Variants in DZIP3 observed in about 807,000 individuals in gnomAD.
DZIP3 encodes E3 ubiquitin-protein ligase DZIP3.
In DZIP3, 118 loss-of-function variants were observed where a neutral mutation model predicts 162.0. The observed-to-expected ratio is 0.73, with a 90% CI of 0.63 to 0.85. The LOEUF (loss-of-function observed/expected upper bound fraction) is 0.85. DZIP3 is among the 40% of genes least tolerant of loss of function. The probability of loss-of-function intolerance (pLI) is 0.00; values close to 1 mark genes in which losing one functional copy is unlikely to be tolerated. For synonymous variants in DZIP3, 438 were observed against 458.6 expected (o/e 0.96, Z 0.57); for missense variants, 1,331 against 1,407.0 (o/e 0.95, Z 0.86).
At chr3:108,685,716 A>G (rs981667370) in intron 27 of DZIP3, among the ~76,000 whole-genome samples, 3 of 152,146 alleles carry the variant, frequency 2.0e-5, no homozygotes, top group African/African-American at 7.2e-5. Flanking sequence ...TGGTTGTTTG[A>G]AAAATGTAAC....
chr3:108,622,068 A>G (rs1249696269), intron 5 of DZIP3, among the ~76,000 whole-genome samples: 2 of 152,092 alleles, frequency 1.3e-5, no homozygotes, highest in Non-Finnish European at 2.9e-5. Context: ...AGATCCTGTC[A>G]CTTGAAACAA....
intron 19 of DZIP3, among the ~76,000 whole-genome samples, chr3:108,657,818 A>C (rs1341315512): frequency 6.6e-6 from 1 of 152,174 alleles, no homozygotes; most frequent in Non-Finnish European, 1.5e-5. Flanking sequence ...ATGGAAAACA[A>C]AAAAAGGCAG....
At chr3:108,675,951 A>G in intron 25 of DZIP3, 78 bp downstream of exon 25, 3 of 1,216,380 alleles carry the variant, frequency 2.5e-6, no homozygotes, top group South Asian at 2.8e-5. Flanking sequence ...ATTAGTAGAA[A>G]AATTTAAGGA....
At chr3:108,658,274 A>C (rs1042141893) in intron 19 of DZIP3, among the ~76,000 whole-genome samples, 2 of 152,192 alleles carry the variant, frequency 1.3e-5, no homozygotes, top group Non-Finnish European at 1.5e-5. Flanking sequence ...AAAGAACAGA[A>C]ATTATAACAA....
At chr3:108,682,582 T>G (rs1301303089) in intron 26 of DZIP3, among the ~76,000 whole-genome samples, 1 of 150,456 alleles carries the variant, frequency 6.6e-6, no homozygotes, top group African/African-American at 2.5e-5. Flanking sequence ...ATAAAATTAA[T>G]GAAAAAACAG....
intron 1 of DZIP3, among the ~76,000 whole-genome samples, chr3:108,592,953 C>G (rs1213729501): frequency 6.6e-6 from 1 of 152,090 alleles, no homozygotes; most frequent in Admixed American, 6.5e-5. Flanking sequence ...ATCATGTTAA[C>G]TTTGAACAGC....
At chr3:108,687,532 T>G (rs1423681964) in intron 28 of DZIP3, among the ~76,000 whole-genome samples, 2 of 152,082 alleles carry the variant, frequency 1.3e-5, no homozygotes, top group African/African-American at 4.8e-5. Context: ...GTTTTCTGAG[T>G]TTTACGAAAG....
chr3:108,644,765 A>C lies in DZIP3; in HGVS notation c.1743A>C (p.Leu581Phe). 6.2e-7 allele frequency: 1 copy of C among 1,601,160 alleles called. No homozygotes were observed. The highest frequency in any genetic ancestry group is 8.5e-7 in the Non-Finnish European group (1 of 1,175,900). The change falls in exon 14 of 33, where the codon TTA becomes TTC. Residue 581 changes from leucine (L) to phenylalanine (F), a missense_variant. Physicochemically the swap from Leu to Phe is conservative, Grantham distance 22. Around this residue, in one of 2 missense-constraint regions of DZIP3, gnomAD observed 1,278 missense variants for 1,317.1 expected, o/e 0.97. Coordinates refer to ENST00000361582, the MANE Select transcript of DZIP3 (RefSeq NM_014648.4). ...IPVPEIIQRM[L>F]SCYQQGIALQ... ...TACCAGAAATCATACAGAGGATGTT[A>C]TCCTGCTATCAACAAGGTACTAAAT... is the stretch of plus-strand genomic sequence containing the variant.
At chr3:108,613,444 A>T (rs1186016293) in intron 4 of DZIP3, among the ~76,000 whole-genome samples, 1 of 152,216 alleles carries the variant, frequency 6.6e-6, no homozygotes, top group Non-Finnish European at 1.5e-5. Context: ...TACCTCAGAC[A>T]TATCTAGAAA....
intron 12 of DZIP3, among the ~76,000 whole-genome samples, chr3:108,641,825 C>G (rs1479695715): frequency 6.6e-6 from 1 of 152,184 alleles, no homozygotes; most frequent in Non-Finnish European, 1.5e-5. Flanking sequence ...ATTAAGCTTA[C>G]ATTGTAGCGT....
intron 8 of DZIP3, among the ~76,000 whole-genome samples, chr3:108,632,105 T>C (rs577728193): frequency 6.6e-6 from 1 of 152,338 alleles, no homozygotes; most frequent in South Asian, 2.1e-4. Flanking sequence ...GCAGTAATAC[T>C]ATTTGAAATT....
chr3:108,662,217 C>G lies in DZIP3; in HGVS notation c.2383C>G (p.Leu795Val). The G allele has an allele frequency of 6.2e-7, 1 of 1,602,100 alleles. No individual in the cohort carries two copies. The highest frequency in any genetic ancestry group is 8.5e-7 in the Non-Finnish European group (1 of 1,177,100). ...AAAGAAAGACAAAATTATCGCATCT[C>G]TTAATCAACAAGTTGCTTTTGGAAT... ...IKKKDKIIASLNQQVAFGINK... is the reference protein window; with the variant it reads ...IKKKDKIIASVNQQVAFGINK... The change falls in exon 21 of 33, where the codon CTT (leucine) becomes GTT (valine). Residue 795 changes from leucine to valine, a missense_variant. This residue lies in a region of DZIP3 where 1,278 missense variants were observed against 1,317.1 expected (regional missense o/e 0.97). Coordinates refer to ENST00000361582, the MANE Select transcript of DZIP3 (RefSeq NM_014648.4).
At chr3:108,624,200 A>G in intron 5 of DZIP3, among the ~76,000 whole-genome samples, 1 of 152,106 alleles carries the variant, frequency 6.6e-6, no homozygotes, top group African/African-American at 2.4e-5. Context: ...TTTCTTCCAT[A>G]TCCTTTCCTT....
chr3:108,633,210 G>A (rs796888706), intron 9 of DZIP3, 138 bp downstream of exon 9: 36 of 318,710 alleles, frequency 1.1e-4, no homozygotes, highest in African/African-American at 7.2e-4. Flanking sequence ...TAAAGCAGTT[G>A]AAAAGTTATT....
At chr3:108,645,847 C>G (rs1224582713) in intron 14 of DZIP3, among the ~76,000 whole-genome samples, 1 of 152,048 alleles carries the variant, frequency 6.6e-6, no homozygotes. Context: ...GAAAGTCAGG[C>G]AAGAATTTTT....
chr3:108,635,371 G>A (rs775355473), intron 10 of DZIP3: 3 of 314,234 alleles, frequency 9.5e-6, no homozygotes, highest in African/African-American at 2.3e-5. Context: ...CAGTTTTAAG[G>A]ATTTCCATTT....
Position 108,644,371 on chromosome 3 carries a change from A to G in DZIP3, c.1349A>G (p.His450Arg), listed in dbSNP as rs1195168235. 3 of 1,613,982 alleles carry G rather than the reference A, an allele frequency of 1.9e-6. No individual in the cohort carries two copies. The highest frequency in any genetic ancestry group is 1.3e-5 in the African/African-American group (1 of 74,926). ...AATCATCCTTTGGGTGGATCATGGCATCTGCTTTATCCTCCTAACAAGGAG... is the reference window on the plus strand; with the variant it reads ...AATCATCCTTTGGGTGGATCATGGCGTCTGCTTTATCCTCCTAACAAGGAG... ...WTNHPLGGSW[H>R]LLYPPNKELP... Residue 450 changes from histidine (H) to arginine (R), a missense_variant, in exon 14 of 33, where the codon CAT (histidine) becomes CGT (arginine). This residue lies in a region of DZIP3 where 1,278 missense variants were observed against 1,317.1 expected (regional missense o/e 0.97). Transcript: ENST00000361582.
chr3:108,688,244 C>A, intron 29 of DZIP3, 148 bp downstream of exon 29: 1 of 1,037,118 alleles, frequency 9.6e-7, no homozygotes, highest in Non-Finnish European at 1.4e-6. Flanking sequence ...ACAACTTCAA[C>A]TTAACAAATG....
intron 5 of DZIP3, among the ~76,000 whole-genome samples, chr3:108,618,043 A>G (rs1211701780): frequency 2.0e-5 from 3 of 152,202 alleles, no homozygotes; most frequent in Admixed American, 2.0e-4. Flanking sequence ...AAGGCCACCA[A>G]AAAGGGAAAA....
Sources: gnomAD v4.1 joint callset for allele counts (sites outside exome capture counted in the v4.1 genomes callset) on GRCh38, gnomAD v4.1.1 for gene constraint, gnomAD v4.1.1 regional missense constraint, MANE v1.5 for transcripts, NCBI Gene and HGNC (gene_info 2026-07-23, HGNC 2026-07-21) for gene names.